GLS2: variants seen among roughly 807,000 people sequenced by gnomAD.
GLS2 encodes the protein glutaminase liver isoform, mitochondrial.
A neutral mutation model predicts 79.0 loss-of-function variants in GLS2; 52 were observed. The ratio of observed to expected loss-of-function variants is 0.66; its 90% CI spans 0.53 to 0.83. The LOEUF (loss-of-function observed/expected upper bound fraction) is 0.83, where lower values mean the gene tolerates loss of function less well. Among genes scored for constraint, GLS2 ranks in the 40% least tolerant of loss-of-function variants. The pLI, the probability that GLS2 is intolerant of heterozygous loss-of-function variation, is 0.00. For synonymous variants in GLS2, 238 were observed against 280.8 expected (o/e 0.85, Z 1.52); for missense variants, 561 against 764.8 (o/e 0.73, Z 3.14).
At chr12:56,474,926 C>G (rs369333896) in intron 10 of GLS2, 30 bp from the exon 11 acceptor site, 6 of 1,614,082 alleles carry the variant, frequency 3.7e-6, no homozygotes, top group Non-Finnish European at 5.1e-6. Context: ...GAGCATTTCT[C>G]TTCAGGACAT....
At chr12:56,472,600 G>C (rs976995335) in intron 15 of GLS2, 90 bp downstream of exon 15, 2 of 1,182,486 alleles carry the variant, frequency 1.7e-6, no homozygotes, top group East Asian at 4.8e-5. Flanking sequence ...TTCCAAAGCT[G>C]AAGCACTTAA....
chr12:56,475,992 A>C lies in GLS2; in HGVS notation c.838-15T>G. ...TTACAGTCCATCTGCAGAGAAAGAG[A>C]GAGATGTCAGCATTCTAAGTGTAGG... On this transcript the variant is annotated splice_polypyrimidine_tract_variant and intron_variant, in intron 7 of 17. Coordinates refer to ENST00000311966, the MANE Select transcript of GLS2 (RefSeq NM_013267.4). 1.2e-6 allele frequency: 2 copies of C among 1,611,972 alleles called. No individual in the cohort carries two copies. Among genetic ancestry groups the C allele is most frequent in the Non-Finnish European group, 1.7e-6 (2 of 1,179,714 alleles).
At chr12:56,484,043 G>A (rs948466359) in intron 1 of GLS2, among the ~76,000 whole-genome samples, 1 of 152,098 alleles carries the variant, frequency 6.6e-6, no homozygotes, top group Non-Finnish European at 1.5e-5. Context: ...AGCCTAAGGT[G>A]GGCGGATCAT....
chr12:56,475,580 A>G (rs1235173408), intron 9 of GLS2, 44 bp downstream of exon 9: 2 of 1,591,108 alleles, frequency 1.3e-6, no homozygotes, highest in Non-Finnish European at 1.7e-6. Flanking sequence ...GTACACACAC[A>G]TACACCACAA....
intron 1 of GLS2, among the ~76,000 whole-genome samples, chr12:56,482,347 CTG>C (rs752143494): frequency 1.3e-5 from 2 of 152,234 alleles, no homozygotes; most frequent in Non-Finnish European, 2.9e-5. Context: ...GGGCCAGGAA[CTG>C]TGAGGCTTCC....
At chr12:56,475,280 C>T in intron 9 of GLS2, 170 bp from the exon 10 acceptor site, 1 of 1,503,434 alleles carries the variant, frequency 6.7e-7, no homozygotes. Flanking sequence ...TGAGCAAACA[C>T]TCAGCATAGT....
rs1192459812 is a variant in GLS2 at position 56,479,893 on chromosome 12, C to T, written c.291G>A (p.Lys97=). 1 of 1,612,874 alleles carries T rather than the reference C, an allele frequency of 6.2e-7. No homozygotes were observed. The highest frequency in any genetic ancestry group is 2.2e-5 in the East Asian group (1 of 44,874). ...GATCTGATGTCTGCAGTCCAGTGGC[C>T]TTTAGTGCCTTTAGAGGAAAGAAGA... is the stretch of plus-strand genomic sequence containing the variant. ...IPIHKFTTAL[K]ATGLQTSDPR... Residue 97 remains lysine (K), a synonymous_variant, in exon 3 of 18, where the codon AAG becomes AAA. Transcript: ENST00000311966.
rs1870833531 is a variant in GLS2 at position 56,488,030 on chromosome 12, G to A, written c.89C>T (p.Pro30Leu). The A allele has an allele frequency of 6.3e-7, 1 of 1,595,176 alleles. No homozygotes were observed. Among genetic ancestry groups the A allele is most frequent in the South Asian group, 1.1e-5 (1 of 90,118 alleles). ...RGGWGHPSRS[P>L]LLGGGVRHHL... ...GTGCCGGACGCCCCCGCCAAGGAGGGGGCTCCGGCTCGGGTGACCCCAGCC... is the reference window on the plus strand; with the variant it reads ...GTGCCGGACGCCCCCGCCAAGGAGGAGGCTCCGGCTCGGGTGACCCCAGCC... The change falls in exon 1 of 18, where the codon CCC becomes CTC. Residue 30 changes from proline (P) to leucine (L), a missense_variant. Physicochemically the swap from Pro to Leu is moderately conservative, Grantham distance 98. Around this residue, in one of 4 missense-constraint regions of GLS2, gnomAD observed 161 missense variants for 167.8 expected, o/e 0.96. Coordinates refer to ENST00000311966, the MANE Select transcript of GLS2 (RefSeq NM_013267.4).
intron 1 of GLS2, among the ~76,000 whole-genome samples, chr12:56,484,373 G>T (rs1327003615): frequency 6.6e-6 from 1 of 152,138 alleles, no homozygotes; most frequent in Non-Finnish European, 1.5e-5. Context: ...ACTATCTTTT[G>T]TATATTTTGA....
chr12:56,472,223 T>A, intron 15 of GLS2, 28 bp from the exon 16 acceptor site: 1 of 1,604,990 alleles, frequency 6.2e-7, no homozygotes, highest in Non-Finnish European at 8.5e-7. Context: ...GCAGCTAGAG[T>A]TGCCTAGATC....
In GLS2 at chr12:56,478,269, A is replaced by G; in HGVS notation, c.535-7T>C. The G allele has an allele frequency of 6.2e-7, 1 of 1,613,980 alleles. No individual in the cohort carries two copies. The highest frequency in any genetic ancestry group is 1.1e-5 in the South Asian group (1 of 91,078). The stretch of plus-strand genomic sequence containing the variant: ...GAGGGATGTAGGCTGCCACCTGGAC[A>G]TGAGTGGGTAGAGAAAAGGGAGATG... On this transcript the variant is annotated splice_region_variant and splice_polypyrimidine_tract_variant and intron_variant, in intron 4 of 17. Transcript: ENST00000311966.
At chr12:56,475,706 A>T in intron 8 of GLS2, 24 bp from the exon 9 acceptor site, 1 of 1,613,626 alleles carries the variant, frequency 6.2e-7, no homozygotes, top group Non-Finnish European at 8.5e-7. Context: ...AGGGACATTG[A>T]GGCTCCACTT....
rs768560437 is a variant in GLS2 at position 56,478,000 on chromosome 12, G to T, written c.711C>A (p.Tyr237Ter). ...AISISTLGTD[Y>*]VHKFVGKEPS... Reference sequence around the variant, plus strand: ...GCTCTTTGCCCACAAACTTGTGCACGTAGTCAGTGCCTAGGGTGCTTATGG... The same window carrying T: ...GCTCTTTGCCCACAAACTTGTGCACTTAGTCAGTGCCTAGGGTGCTTATGG... Residue 237 changes from tyrosine to a stop codon, truncating the protein, a stop_gained, in exon 6 of 18, where the codon TAC becomes TAA. Coordinates refer to ENST00000311966, the MANE Select transcript of GLS2 (RefSeq NM_013267.4). LOFTEE classifies it high-confidence loss of function. The T allele has an allele frequency of 2.5e-6, 4 of 1,614,232 alleles. No individual in the cohort carries two copies. In the Admixed American group the frequency reaches 6.7e-5, roughly 27 times the overall value.
rs142929613 is a variant in GLS2 at position 56,471,505 on chromosome 12, G to A, written c.1791C>T (p.Asn597=). 542 of 1,613,580 alleles carry A rather than the reference G, an allele frequency of 3.4e-4. 1 individual carries two copies. Among genetic ancestry groups the A allele is most frequent in the Middle Eastern group, 2.0e-3 (12 of 6,052 alleles). Residue 597 remains asparagine (N), a synonymous_variant, in exon 18 of 18, where the codon AAC becomes AAT. Coordinates refer to ENST00000311966, the MANE Select transcript of GLS2 (RefSeq NM_013267.4). ...EAAAEALSKE[N]LESMV ...CCTGTGCTCATACCATGCTTTCTAA[G>A]TTCTCTTTGGACAGGGCCTCAGCTG...
chr12:56,483,981 G>A (rs978648872), intron 1 of GLS2, among the ~76,000 whole-genome samples: 1 of 152,030 alleles, frequency 6.6e-6, no homozygotes, highest in Non-Finnish European at 1.5e-5. Context: ...GGTAGAAATA[G>A]GTAAGACTGG....
rs761448385 is a variant in GLS2, at chr12:56,477,674, T to A, written c.823A>T (p.Ser275Cys). 4 of 1,613,432 alleles carry A rather than the reference T, an allele frequency of 2.5e-6. No homozygotes were observed. The highest frequency in any genetic ancestry group is 3.4e-6 in the Non-Finnish European group (4 of 1,179,760). Reference sequence around the variant, plus strand: ...GTGGCACTGACCTTGATCAGGGAGCTGACAACAATGGCACCAGCATTGACC... The same window carrying A: ...GTGGCACTGACCTTGATCAGGGAGCAGACAACAATGGCACCAGCATTGACC... ...PMVNAGAIVV[S>C]SLIKMDCNKA... The change falls in exon 7 of 18, where the codon AGC (serine) becomes TGC (cysteine). Residue 275 changes from serine (S) to cysteine (C), a missense_variant. By Grantham distance (112) the Ser-to-Cys change is moderately radical. Transcript: ENST00000311966.
intron 1 of GLS2, among the ~76,000 whole-genome samples, chr12:56,480,862 T>C (rs377084126): frequency 6.6e-6 from 1 of 152,210 alleles, no homozygotes; most frequent in Non-Finnish European, 1.5e-5. Context: ...CTCTCCTCCT[T>C]TTCCCTGTGC....
chr12:56,486,090 C>T (rs1237535148), intron 1 of GLS2, among the ~76,000 whole-genome samples: 2 of 151,394 alleles, frequency 1.3e-5, no homozygotes, highest in East Asian at 1.9e-4. Context: ...TGAATAACAG[C>T]GCATTTCCTC....
intron 2 of GLS2, 51 bp downstream of exon 2, chr12:56,480,237 T>C (rs1207636572): frequency 1.3e-6 from 2 of 1,516,982 alleles, no homozygotes; most frequent in Non-Finnish European, 1.8e-6. Flanking sequence ...TTTCCCCACT[T>C]TTCAGAGATC....
Sources: gnomAD v4.1 joint callset for allele counts (sites outside exome capture counted in the v4.1 genomes callset) on GRCh38, gnomAD v4.1.1 for gene constraint, gnomAD v4.1.1 regional missense constraint, MANE v1.5 for transcripts, NCBI Gene and HGNC (gene_info 2026-07-23, HGNC 2026-07-21) for gene names.